MEI4: variants seen among roughly 807,000 people sequenced by gnomAD.
MEI4 encodes meiotic double-stranded break formation protein 4, also known as meiosis-specific protein MEI4.
A neutral mutation model predicts 31.4 loss-of-function variants in MEI4; 27 were observed. That is an observed-to-expected ratio of 0.86 (90% CI 0.63 to 1.19). MEI4 has a LOEUF of 1.19. Ranked by LOEUF, MEI4 falls within the 50% of genes most tolerant of loss-of-function variation. MEI4 has a pLI of 0.00. For missense variants in MEI4, 329 were observed against 398.9 expected (o/e 0.82, Z 1.49); for synonymous variants, 122 against 145.4 (o/e 0.84, Z 1.16).
intron 3 of MEI4, among the ~76,000 whole-genome samples, chr6:77,766,331 CT>C (rs1452478784): frequency 6.6e-6 from 1 of 151,710 alleles, no homozygotes; most frequent in Non-Finnish European, 1.5e-5. Context: ...GTCGTTTTTG[CT>C]TCAATCACAG....
intron 1 of MEI4, among the ~76,000 whole-genome samples, chr6:77,687,020 C>A (rs757207560): frequency 1.9e-4 from 29 of 151,734 alleles, no homozygotes; most frequent in African/African-American, 6.5e-4. Context: ...AAAATTAGGG[C>A]AGGAGAAATA....
At chr6:77,730,822 C>T (rs1215024255) in intron 2 of MEI4, among the ~76,000 whole-genome samples, 4 of 145,528 alleles carry the variant, frequency 2.7e-5, no homozygotes, top group African/African-American at 5.2e-5. Context: ...GTTCCCCTTC[C>T]TGTGTCCCTG....
intron 2 of MEI4, among the ~76,000 whole-genome samples, chr6:77,695,639 C>A (rs1201612497): frequency 1.3e-5 from 2 of 152,130 alleles, no homozygotes; most frequent in African/African-American, 4.8e-5. Flanking sequence ...GTTTTGGTAC[C>A]AGTACCATGC....
intron 2 of MEI4, among the ~76,000 whole-genome samples, chr6:77,695,841 A>G (rs538121668): frequency 2.6e-5 from 4 of 152,280 alleles, no homozygotes; most frequent in African/African-American, 9.6e-5. Flanking sequence ...TTGAATCTGT[A>G]AATTACCTTG....
intron 1 of MEI4, among the ~76,000 whole-genome samples, chr6:77,661,831 A>G (rs1052747454): frequency 6.6e-6 from 1 of 152,092 alleles, no homozygotes; most frequent in African/African-American, 2.4e-5. Flanking sequence ...AGTAGGTGGG[A>G]GTGACCAAAG....
chr6:77,699,014 C>T (rs1401593550), intron 2 of MEI4, among the ~76,000 whole-genome samples: 9 of 151,850 alleles, frequency 5.9e-5, no homozygotes, highest in Non-Finnish European at 2.9e-5. Flanking sequence ...TCATTTCATT[C>T]ATTTCGTCTT....
intron 4 of MEI4, among the ~76,000 whole-genome samples, chr6:77,895,991 A>G (rs1766076277): frequency 6.6e-6 from 1 of 152,100 alleles, no homozygotes; most frequent in African/African-American, 2.4e-5. Flanking sequence ...CAAACGATCT[A>G]TTTACTTTTC....
chr6:77,699,835 G>A (rs1766170325), intron 2 of MEI4, among the ~76,000 whole-genome samples: 1 of 152,166 alleles, frequency 6.6e-6, no homozygotes, highest in Non-Finnish European at 1.5e-5. Context: ...GGAGTTTGCT[G>A]GAGGTCCACT....
At chr6:77,749,118 A>G (rs9343651) in intron 2 of MEI4, among the ~76,000 whole-genome samples, 20,941 of 152,210 alleles carry the variant, frequency 0.14, 1,523 homozygotes, top group Middle Eastern at 0.21. Flanking sequence ...GCAGAAGGTC[A>G]GTGACTTCAA....
chr6:77,879,244 G>T (rs145793425), intron 4 of MEI4, among the ~76,000 whole-genome samples: 1 of 152,060 alleles, frequency 6.6e-6, no homozygotes, highest in Non-Finnish European at 1.5e-5. Context: ...TTTATATGCT[G>T]TGAACATTGT....
intron 2 of MEI4, among the ~76,000 whole-genome samples, chr6:77,756,591 C>G (rs1281326775): frequency 1.3e-5 from 2 of 151,090 alleles, no homozygotes; most frequent in Non-Finnish European, 3.0e-5. Context: ...CTTTTGGTTT[C>G]TCTCTTTCTC....
At chr6:77,880,233 T>G (rs1771447086) in intron 4 of MEI4, among the ~76,000 whole-genome samples, 1 of 133,848 alleles carries the variant, frequency 7.5e-6, no homozygotes, top group African/African-American at 2.9e-5. Context: ...TTTTTTTGTT[T>G]GTTTTTTTTT....
At chr6:77,741,329 G>A (rs138886504) in intron 2 of MEI4, among the ~76,000 whole-genome samples, 1 of 152,152 alleles carries the variant, frequency 6.6e-6, no homozygotes, top group Admixed American at 6.5e-5. Context: ...GCCTGTGGGA[G>A]ATTTTAAGGA....
intron 4 of MEI4, among the ~76,000 whole-genome samples, chr6:77,895,446 T>C (rs545453489): frequency 5.4e-4 from 82 of 152,220 alleles, no homozygotes; most frequent in African/African-American, 1.9e-3. Context: ...TTTTTTCCTA[T>C]ACCGACAACA....
intron 2 of MEI4, among the ~76,000 whole-genome samples, chr6:77,694,650 T>G (rs971999457): frequency 1.1e-4 from 16 of 152,170 alleles, no homozygotes; most frequent in Non-Finnish European, 1.6e-4. Context: ...ATTTTCTTAA[T>G]CCAGTCTATC....
chr6:77,758,732 C>G (rs917485388), intron 2 of MEI4, among the ~76,000 whole-genome samples: 4 of 152,186 alleles, frequency 2.6e-5, no homozygotes, highest in African/African-American at 9.6e-5. Context: ...TCTCCAGGGC[C>G]ATGTCTCACC....
At chr6:77,883,632 G>T (rs1384221457) in intron 4 of MEI4, among the ~76,000 whole-genome samples, 1 of 147,452 alleles carries the variant, frequency 6.8e-6, no homozygotes, top group Admixed American at 6.9e-5. Flanking sequence ...CAAATGACAG[G>T]ATTTTATTCT....
intron 4 of MEI4, among the ~76,000 whole-genome samples, chr6:77,863,033 A>G (rs574873050): frequency 0.012 from 1,854 of 152,304 alleles, 41 homozygotes; most frequent in African/African-American, 0.043. Context: ...TAGAAGGAAA[A>G]CTAACAAACA....
Position 77,923,763 on chromosome 6 carries a change from A to ATAAGAAGT in MEI4, c.*418_*425dup, listed in dbSNP as rs1766771750. ...CATTATCAACACAAAGTGTTGGAAT[A>ATAAGAAGT]TAAGAAGTGGTCATAAATGCAATTT... is the stretch of plus-strand genomic sequence containing the variant. On this transcript the variant is annotated 3_prime_UTR_variant, in exon 5 of 5. Transcript: ENST00000684080. 1.3e-5 allele frequency: 2 copies of ATAAGAAGT among 152,540 alleles called. No individual in the cohort carries two copies. Among genetic ancestry groups the ATAAGAAGT allele is most frequent in the Non-Finnish European group, 2.9e-5 (2 of 68,362 alleles). The allele number at this position is 152,540 out of a possible 1,614,324, so 9.4% of individuals were successfully genotyped here.
Sources: allele counts gnomAD v4.1 joint callset (sites outside exome capture counted in the v4.1 genomes callset), GRCh38; gene constraint gnomAD v4.1.1; transcripts MANE v1.5; gene names NCBI Gene and HGNC (gene_info 2026-07-23, HGNC 2026-07-21).